MB21D2: variants seen among roughly 807,000 people sequenced by gnomAD.
MB21D2 encodes nucleotidyltransferase MB21D2.
A neutral mutation model predicts 33.3 loss-of-function variants in MB21D2; 9 were observed. That is an observed-to-expected ratio of 0.27 (90% confidence interval 0.16 to 0.47). The LOEUF is 0.47. Among genes scored for constraint, MB21D2 ranks in the 20% least tolerant of loss-of-function variants. The pLI, the probability that MB21D2 is intolerant of heterozygous loss-of-function variation, is 0.99. For synonymous variants in MB21D2, 241 were observed against 236.3 expected (o/e 1.02, Z -0.18); for missense variants, 540 against 624.6 (o/e 0.86, Z 1.44).
chr3:192,878,081 C>CTTTTTTTTTTTTTTTTTTT (rs11294126), intron 1 of MB21D2, among the ~76,000 whole-genome samples: 44 of 119,480 alleles, frequency 3.7e-4, no homozygotes, highest in Admixed American at 9.6e-4. Flanking sequence ...AATTCCTCCT[C>CTTTTTTTTTTTTTTTTTTT]TTTTTTTTTT....
intron 1 of MB21D2, among the ~76,000 whole-genome samples, chr3:192,896,326 G>A (rs887242297): frequency 6.6e-6 from 1 of 152,172 alleles, no homozygotes; most frequent in African/African-American, 2.4e-5. Context: ...CAAAGTCCAC[G>A]TTCTTTCTTC....
At chr3:192,878,313 G>A (rs921006331) in intron 1 of MB21D2, among the ~76,000 whole-genome samples, 19 of 152,122 alleles carry the variant, frequency 1.2e-4, no homozygotes, top group African/African-American at 4.3e-4. Flanking sequence ...CTTCCCCCAG[G>A]CAAATTCAGT....
At chr3:192,856,092 T>A (rs570464335) in intron 1 of MB21D2, among the ~76,000 whole-genome samples, 22 of 152,118 alleles carry the variant, frequency 1.4e-4, no homozygotes, top group African/African-American at 5.1e-4. Context: ...AAAATAATAA[T>A]AATAAAGCAA....
intron 1 of MB21D2, among the ~76,000 whole-genome samples, chr3:192,847,189 T>A (rs1321481807): frequency 6.6e-6 from 1 of 152,172 alleles, no homozygotes; most frequent in Non-Finnish European, 1.5e-5. Context: ...GATGATTGGG[T>A]CTCAGAGACC....
intron 1 of MB21D2, among the ~76,000 whole-genome samples, chr3:192,805,826 C>A (rs143382979): frequency 6.6e-6 from 1 of 152,218 alleles, no homozygotes; most frequent in Non-Finnish European, 1.5e-5. Context: ...AGATATTTAG[C>A]TCATGTTCCC....
intron 1 of MB21D2, among the ~76,000 whole-genome samples, chr3:192,875,833 A>G (rs1311208480): frequency 6.6e-6 from 1 of 152,160 alleles, no homozygotes; most frequent in African/African-American, 2.4e-5. Flanking sequence ...CCACATTTTT[A>G]TTATCAGCAG....
chr3:192,831,004 T>C (rs1213782623), intron 1 of MB21D2, among the ~76,000 whole-genome samples: 1 of 152,210 alleles, frequency 6.6e-6, no homozygotes, highest in Non-Finnish European at 1.5e-5. Context: ...CCACACCCAG[T>C]GATCCTCCTG....
chr3:192,822,603 C>T (rs957417164), intron 1 of MB21D2, among the ~76,000 whole-genome samples: 25 of 152,190 alleles, frequency 1.6e-4, no homozygotes, highest in East Asian at 3.9e-4. Context: ...GACCTATTCC[C>T]GATGAGCCAG....
At chr3:192,829,852 G>C (rs1354970083) in intron 1 of MB21D2, among the ~76,000 whole-genome samples, 1 of 152,070 alleles carries the variant, frequency 6.6e-6, no homozygotes, top group African/African-American at 2.4e-5. Context: ...TCAGCCTCCT[G>C]TGTAGCCGGG....
chr3:192,909,190 A>G (rs1577204392), intron 1 of MB21D2, among the ~76,000 whole-genome samples: 1 of 151,738 alleles, frequency 6.6e-6, no homozygotes, highest in South Asian at 2.1e-4. Context: ...CGGGAGGCGG[A>G]GCTTGCAGTG....
intron 1 of MB21D2, among the ~76,000 whole-genome samples, chr3:192,801,693 T>G (rs1229550145): frequency 6.6e-6 from 1 of 152,226 alleles, no homozygotes; most frequent in Non-Finnish European, 1.5e-5. Flanking sequence ...TGCAGGCACC[T>G]TGATCTTGGC....
intron 1 of MB21D2, among the ~76,000 whole-genome samples, chr3:192,887,577 G>A (rs924602156): frequency 4.6e-5 from 7 of 152,024 alleles, no homozygotes; most frequent in African/African-American, 7.3e-5. Context: ...AATAATCCAC[G>A]GTGGGGTAGA....
chr3:192,845,808 G>T (rs1712669498), intron 1 of MB21D2, among the ~76,000 whole-genome samples: 2 of 152,208 alleles, frequency 1.3e-5, no homozygotes, highest in South Asian at 4.1e-4. Context: ...GCCAGGCGCG[G>T]TGGCTCATGC....
intron 1 of MB21D2, among the ~76,000 whole-genome samples, chr3:192,814,911 A>T (rs1711887009): frequency 6.6e-6 from 1 of 151,086 alleles, no homozygotes; most frequent in South Asian, 2.1e-4. Flanking sequence ...TGAGTCTCAT[A>T]ATGCTGACAT....
rs1337263824 is a variant in MB21D2, at chr3:192,874,387, T to C, written c.211+43243A>G. On this transcript the variant is annotated intron_variant, in intron 1 of 1. Coordinates refer to ENST00000392452, the MANE Select transcript of MB21D2 (RefSeq NM_178496.4). ...GCTCTATCACTAACAATGACTAGGA[T>C]ACATTACAAAACCTAAGCTGATACA... Among the ~76,000 whole-genome samples the C allele has an allele frequency of 5.3e-5, 8 of 152,308 alleles. No homozygotes were observed. The East Asian group carries it at 1.3e-3, about 26-fold the overall frequency.
At chr3:192,917,417 C>G (rs556276408) in intron 1 of MB21D2, among the ~76,000 whole-genome samples, 8 of 152,170 alleles carry the variant, frequency 5.3e-5, no homozygotes, top group African/African-American at 1.7e-4. Flanking sequence ...GAAAGGGAGA[C>G]CCGGCGTAAA....
intron 1 of MB21D2, among the ~76,000 whole-genome samples, chr3:192,891,568 G>A (rs1404048089): frequency 6.6e-6 from 1 of 152,094 alleles, no homozygotes; most frequent in East Asian, 1.9e-4. Context: ...TTCCCTTGCA[G>A]GCTTAGTGTG....
At chr3:192,866,318 A>G (rs1248474038) in intron 1 of MB21D2, among the ~76,000 whole-genome samples, 2 of 152,228 alleles carry the variant, frequency 1.3e-5, no homozygotes, top group African/African-American at 4.8e-5. Flanking sequence ...GAAAGAACTA[A>G]AAACATCACT....
chr3:192,797,722 C>T lies in MB21D2; in HGVS notation c.*664G>A, dbSNP rs575408556. On this transcript the variant is annotated 3_prime_UTR_variant, in exon 2 of 2. Transcript: ENST00000392452. ...TTAACATTTGGAAACCTTAATTCTG[C>T]TTGGAAAACTGTCAAAGACACCCTT... The T allele has an allele frequency of 6.5e-6, 1 of 152,672 alleles. No individual in the cohort carries two copies. The highest frequency in any genetic ancestry group is 1.9e-4 in the East Asian group (1 of 5,176). 9.5% of individuals were successfully genotyped at this position (152,672 alleles called of 1,614,324 possible). A position where few individuals can be genotyped will look rare whatever the true frequency, so the allele number is the denominator to read the frequency against.
Sources: allele counts gnomAD v4.1 joint callset (sites outside exome capture counted in the v4.1 genomes callset), GRCh38; gene constraint gnomAD v4.1.1; transcripts MANE v1.5; gene names NCBI Gene and HGNC (gene_info 2026-07-23, HGNC 2026-07-21).